CPNE3: variants seen among roughly 807,000 people sequenced by gnomAD.
CPNE3 encodes the protein copine-3.
CPNE3 carries 68 observed loss-of-function variants against 63.9 expected under a neutral mutation model. The ratio of observed to expected loss-of-function variants is 1.06; its 90% confidence interval spans 0.87 to 1.30. The LOEUF (loss-of-function observed/expected upper bound fraction) is 1.30. CPNE3 is among the 50% of genes most tolerant of loss of function. The pLI is 0.00. For synonymous variants in CPNE3, 219 were observed against 197.5 expected (o/e 1.11, Z -0.91); for missense variants, 665 against 578.1 (o/e 1.15, Z -1.54).
intron 6 of CPNE3, among the ~76,000 whole-genome samples, chr8:86,535,014 A>G (rs1280720515): frequency 1.3e-5 from 2 of 152,178 alleles, no homozygotes; most frequent in Non-Finnish European, 2.9e-5. Flanking sequence ...GCCTGAGGGA[A>G]TTCCTTTAAG....
chr8:86,526,048 T>A (rs1417004696), intron 2 of CPNE3, among the ~76,000 whole-genome samples: 2 of 152,158 alleles, frequency 1.3e-5, no homozygotes, highest in African/African-American at 4.8e-5. Flanking sequence ...AAGTTACTTA[T>A]ACGTGGTCAC....
intron 2 of CPNE3, among the ~76,000 whole-genome samples, chr8:86,525,296 A>G (rs569356175): frequency 6.6e-6 from 1 of 152,280 alleles, no homozygotes; most frequent in South Asian, 2.1e-4. Flanking sequence ...TCCCATTATG[A>G]TTTGTGGATA....
intron 6 of CPNE3, among the ~76,000 whole-genome samples, chr8:86,533,034 A>ATCTATCTG (rs1820717624): frequency 6.8e-6 from 1 of 146,682 alleles, no homozygotes; most frequent in Non-Finnish European, 1.5e-5. Context: ...TTATCTATCT[A>ATCTATCTG]TCTATCTATC....
chr8:86,534,438 C>T (rs2131455279), intron 6 of CPNE3, among the ~76,000 whole-genome samples: 1 of 152,132 alleles, frequency 6.6e-6, no homozygotes, highest in South Asian at 2.1e-4. Context: ...GGTGGCTTAC[C>T]TGAGGTCAGG....
rs910639846 is a variant in CPNE3, at chr8:86,532,961, C to T, written c.459+381C>T. Reference sequence around the variant, plus strand: ...AATTTTTTTTTATGAAGGATGAGTGCCAATACATAATAACACAACAATTTA... The same window carrying T: ...AATTTTTTTTTATGAAGGATGAGTGTCAATACATAATAACACAACAATTTA... On this transcript the variant is annotated intron_variant, in intron 6 of 16. Transcript: ENST00000517490. Among the ~76,000 whole-genome samples, 17 of 152,076 alleles carry T rather than the reference C, an allele frequency of 1.1e-4. 1 individual carries two copies. The South Asian group carries it at 3.5e-3, about 32-fold the overall frequency.
chr8:86,531,049 T>C, intron 4 of CPNE3, 106 bp from the exon 5 acceptor site: 1 of 665,416 alleles, frequency 1.5e-6, no homozygotes, highest in East Asian at 2.7e-5. Flanking sequence ...CTATTTCTAA[T>C]GACTTTAAGT....
In CPNE3 at chr8:86,532,240, C is replaced by T. The variant is rs145949342; in HGVS notation, c.388-269C>T. Among the ~76,000 whole-genome samples the T allele has an allele frequency of 8.5e-4, 129 of 152,284 alleles. No individual in the cohort carries two copies. In the East Asian group the frequency reaches 0.025, roughly 29 times the overall value. ...AGTCTTCTGGGGTTTTGACATTTCTCTTGAATAGGGAAGATCCAATTTGGG... is the reference window on the plus strand; with the variant it reads ...AGTCTTCTGGGGTTTTGACATTTCTTTTGAATAGGGAAGATCCAATTTGGG... On this transcript the variant is annotated intron_variant, in intron 5 of 16. Transcript: ENST00000517490.
chr8:86,543,600 G>A (rs1457006444), intron 8 of CPNE3, among the ~76,000 whole-genome samples: 3 of 152,198 alleles, frequency 2.0e-5, no homozygotes, highest in South Asian at 2.1e-4. Flanking sequence ...GGATTTCAAA[G>A]TGTCCTTAGC....
chr8:86,531,041 A>G, intron 4 of CPNE3, 114 bp from the exon 5 acceptor site: 1 of 652,564 alleles, frequency 1.5e-6, no homozygotes, highest in Non-Finnish European at 2.8e-6. Flanking sequence ...GAATGTTTCT[A>G]TTTCTAATGA....
intron 14 of CPNE3, 113 bp downstream of exon 14, chr8:86,551,347 C>T: frequency 2.7e-6 from 2 of 742,986 alleles, no homozygotes; most frequent in Admixed American, 2.6e-5. Flanking sequence ...CAAATTTCAT[C>T]TCTAGGTTTC....
At chr8:86,555,106 T>C in intron 15 of CPNE3, 122 bp downstream of exon 15, 2 of 1,386,498 alleles carry the variant, frequency 1.4e-6, no homozygotes. Context: ...AACACAGTCA[T>C]TCTTGGTTTG....
chr8:86,537,929 T>C (rs1820837187), intron 7 of CPNE3, among the ~76,000 whole-genome samples: 1 of 151,916 alleles, frequency 6.6e-6, no homozygotes, highest in Admixed American at 6.6e-5. Flanking sequence ...TCCCACATAC[T>C]TGTGCTCTCT....
chr8:86,556,264 A>G lies in CPNE3; in HGVS notation c.1417A>G (p.Ser473Gly). ...AMEFLDGDGG[S>G]LRSPLGEVAI... ...GGAGTTTCTGGATGGTGATGGTGGA[A>G]GTCTCCGCTCCCCATTGGGCGAAGT... Residue 473 changes from serine (S) to glycine (G), a missense_variant, in exon 16 of 17, where the codon AGT becomes GGT. Transcript: ENST00000517490. 1 of 873,054 alleles carries G rather than the reference A, an allele frequency of 1.1e-6. No individual in the cohort carries two copies. Among genetic ancestry groups the G allele is most frequent in the Non-Finnish European group, 2.0e-6 (1 of 501,700 alleles). 54.1% of individuals were successfully genotyped at this position (873,054 alleles called of 1,614,324 possible).
At position 86,528,935 on chromosome 8, in the gene CPNE3, A is replaced by G. The variant is rs758731981; in HGVS notation, c.133-10A>G. The G allele has an allele frequency of 6.3e-7, 1 of 1,591,116 alleles. No individual in the cohort carries two copies. Among genetic ancestry groups the G allele is most frequent in the Middle Eastern group, 1.7e-4 (1 of 5,926 alleles). On this transcript the variant is annotated splice_polypyrimidine_tract_variant and intron_variant, in intron 3 of 16. Transcript: ENST00000517490. ...TGAAGAAACTTTTTTGTTTTTGCGG[A>G]TGGGTGTAGGTTGAGCGCACAGAAA...
chr8:86,516,724 CT>C (rs1185258318), intron 2 of CPNE3, among the ~76,000 whole-genome samples: 1 of 152,082 alleles, frequency 6.6e-6, no homozygotes, highest in African/African-American at 2.4e-5. Context: ...CCATTGTTTC[CT>C]TTGCCTTCTT....
chr8:86,551,222 C>G lies in CPNE3; in HGVS notation c.1108C>G (p.Pro370Ala). 1 of 1,597,244 alleles carries G rather than the reference C, an allele frequency of 6.3e-7. No homozygotes were observed. The highest frequency in any genetic ancestry group is 8.6e-7 in the Non-Finnish European group (1 of 1,164,784). ...TCCAATGAACTTCAACCCATCCAAT[C>G]CCTACTGCAATGGTAAGTTAAAAAA... ...EFPMNFNPSN[P>A]YCNGIQGIVE... The change falls in exon 14 of 17, where the codon CCC becomes GCC. Residue 370 changes from proline to alanine, a missense_variant. Coordinates refer to ENST00000517490, the MANE Select transcript of CPNE3 (RefSeq NM_003909.5).
At chr8:86,543,728 ACT>A (rs1820992528) in intron 8 of CPNE3, among the ~76,000 whole-genome samples, 2 of 152,070 alleles carry the variant, frequency 1.3e-5, no homozygotes, top group Non-Finnish European at 2.9e-5. Flanking sequence ...CAGGATTCCA[ACT>A]CTGTCTACCT....
chr8:86,542,955 A>C (rs1204687501), intron 8 of CPNE3, among the ~76,000 whole-genome samples: 1 of 152,096 alleles, frequency 6.6e-6, no homozygotes, highest in African/African-American at 2.4e-5. Flanking sequence ...TGGCCTTGTC[A>C]AAGCTTAATC....
At chr8:86,538,272 A>T (rs563976569) in intron 7 of CPNE3, among the ~76,000 whole-genome samples, 1 of 152,218 alleles carries the variant, frequency 6.6e-6, no homozygotes, top group Admixed American at 6.5e-5. Flanking sequence ...CTACTCAGGA[A>T]ACTGAGGCAC....
Sources: gnomAD v4.1 joint callset for allele counts (sites outside exome capture counted in the v4.1 genomes callset) on GRCh38, gnomAD v4.1.1 for gene constraint, MANE v1.5 for transcripts, NCBI Gene and HGNC (gene_info 2026-07-23, HGNC 2026-07-21) for gene names.